RRM2: variants seen among roughly 807,000 people sequenced by gnomAD.
The protein encoded by RRM2 is ribonucleotide reductase regulatory subunit M2, also known as ribonucleoside-diphosphate reductase subunit M2.
A neutral mutation model predicts 45.9 loss-of-function variants in RRM2; 6 were observed. The observed-to-expected ratio is 0.13, with a 90% confidence interval of 0.07 to 0.26. The LOEUF (loss-of-function observed/expected upper bound fraction) is 0.26. Among genes scored for constraint, RRM2 ranks in the 10% least tolerant of loss-of-function variants. RRM2 has a pLI of 1.00. For synonymous variants in RRM2, 177 were observed against 173.0 expected (o/e 1.02, Z -0.18); for missense variants, 343 against 489.5 (o/e 0.70, Z 2.82).
chr2:10,124,742 A>G lies in RRM2; in HGVS notation c.461A>G (p.Gln154Arg). The G allele has an allele frequency of 1.2e-6, 2 of 1,611,966 alleles. No homozygotes were observed. Among genetic ancestry groups the G allele is most frequent in the Non-Finnish European group, 1.7e-6 (2 of 1,179,778 alleles). The part of the protein sequence containing the change: ...NLVERFSQEV[Q>R]ITEARCFYGF... Reference sequence around the variant, plus strand: ...GTGGAGCGATTTAGCCAAGAAGTTCAGATTACAGAAGCCCGCTGTTTCTAT... The same window carrying G: ...GTGGAGCGATTTAGCCAAGAAGTTCGGATTACAGAAGCCCGCTGTTTCTAT... The change falls in exon 5 of 10, where the codon CAG (glutamine) becomes CGG (arginine). Residue 154 changes from glutamine (Q) to arginine (R), a missense_variant. By Grantham distance (43) the Gln-to-Arg change is conservative. Coordinates refer to ENST00000304567, the MANE Select transcript of RRM2 (RefSeq NM_001034.4).
intron 3 of RRM2, among the ~76,000 whole-genome samples, chr2:10,186,657 G>A (rs1664174376): frequency 1.3e-5 from 2 of 152,218 alleles, no homozygotes; most frequent in African/African-American, 4.8e-5. Context: ...TCATAGTTGA[G>A]CAGTGGTCGA....
upstream of RRM2, among the ~76,000 whole-genome samples, chr2:10,136,984 T>A (rs963184008): frequency 2.0e-5 from 3 of 152,168 alleles, no homozygotes; most frequent in African/African-American, 7.2e-5. Context: ...GGCTGAAGCC[T>A]CATCATATTC....
intron 3 of RRM2, among the ~76,000 whole-genome samples, chr2:10,190,337 ATGG>A (rs1300960792): frequency 5.3e-5 from 5 of 94,490 alleles, no homozygotes; most frequent in African/African-American, 2.2e-4. Flanking sequence ...GGTGGTGATG[ATGG>A]TGGTGAGGAT....
chr2:10,178,088 ATT>A (rs368820243), intron 3 of RRM2, among the ~76,000 whole-genome samples: 1 of 148,094 alleles, frequency 6.8e-6, no homozygotes, highest in East Asian at 2.0e-4. Context: ...CGCCCGGCTA[ATT>A]TTTTTTTTCG....
intron 1 of RRM2, 30 bp from the exon 2 acceptor site, chr2:10,122,953 C>A (rs995954260): frequency 1.3e-6 from 2 of 1,546,444 alleles, no homozygotes; most frequent in South Asian, 1.2e-5. Flanking sequence ...AAAGCGAAGC[C>A]GCTCCTCACT....
intron 3 of RRM2, among the ~76,000 whole-genome samples, chr2:10,179,504 G>A (rs1663999876): frequency 6.6e-6 from 1 of 152,192 alleles, no homozygotes; most frequent in Non-Finnish European, 1.5e-5. Context: ...GCCTGCTTTA[G>A]TAAAGCTGCT....
rs936263991 is a variant in RRM2 at position 10,171,540 on chromosome 2, C to A, written n.482+29165C>A. On this transcript the variant is annotated intron_variant and non_coding_transcript_variant, in intron 3 of 3. Coordinates refer to the RRM2 transcript ENST00000381786. This position sits in a 1 kb window ranked among gnomAD's most constrained non-coding sequence, Gnocchi z 4.1. Reference sequence around the variant, plus strand: ...TAAGCAGGGCTTGGCAAGGTGGTGTCCCCCGGTCAGTGCCAGAGTCTCCCT... The same window carrying A: ...TAAGCAGGGCTTGGCAAGGTGGTGTACCCCGGTCAGTGCCAGAGTCTCCCT... Among the ~76,000 whole-genome samples, 5 of 152,176 alleles carry A rather than the reference C, an allele frequency of 3.3e-5. No homozygotes were observed. The highest frequency in any genetic ancestry group is 1.2e-4 in the African/African-American group (5 of 41,438).
chr2:10,197,354 G>C (rs557682866), intron 3 of RRM2, among the ~76,000 whole-genome samples: 1 of 152,180 alleles, frequency 6.6e-6, no homozygotes, highest in Non-Finnish European at 1.5e-5. Flanking sequence ...CTGGCTCTTC[G>C]TTTCGTCATG....
At chr2:10,167,514 G>T (rs368286421) in intron 3 of RRM2, among the ~76,000 whole-genome samples, 2 of 152,160 alleles carry the variant, frequency 1.3e-5, no homozygotes, top group African/African-American at 4.8e-5. Flanking sequence ...TGCACGCTGC[G>T]CCCTGCCTTG....
chr2:10,127,202 A>G lies in RRM2; in HGVS notation c.780A>G (p.Glu260=). ...TGCCTGGCCTCACATTTTCTAATGAACTTATTAGCAGAGATGAGGTGAGTC... is the reference window on the plus strand; with the variant it reads ...TGCCTGGCCTCACATTTTCTAATGAGCTTATTAGCAGAGATGAGGTGAGTC... ...GLMPGLTFSN[E]LISRDEGLHC... Residue 260 remains glutamate (E), a synonymous_variant, in exon 7 of 10, where the codon GAA becomes GAG. Transcript: ENST00000304567. This position sits in a 1 kb window ranked among gnomAD's most constrained non-coding sequence, Gnocchi z 4.1. The G allele has an allele frequency of 6.2e-7, 1 of 1,613,928 alleles. No homozygotes were observed. Among genetic ancestry groups the G allele is most frequent in the Non-Finnish European group, 8.5e-7 (1 of 1,180,038 alleles).
At chr2:10,157,016 C>CTTCT (rs1663440927) in intron 3 of RRM2, among the ~76,000 whole-genome samples, 1 of 85,926 alleles carries the variant, frequency 1.2e-5, no homozygotes, top group Non-Finnish European at 2.1e-5. Flanking sequence ...CAGCCCATTT[C>CTTCT]TTTTTTTTTT....
chr2:10,182,369 A>AC (rs1340555826), intron 3 of RRM2, among the ~76,000 whole-genome samples: 21 of 147,908 alleles, frequency 1.4e-4, no homozygotes, highest in African/African-American at 5.2e-4. Flanking sequence ...AAACAAACAA[A>AC]AAAAAACCCA....
intron 3 of RRM2, among the ~76,000 whole-genome samples, chr2:10,158,317 T>C (rs1663478428): frequency 6.6e-6 from 1 of 152,206 alleles, no homozygotes; most frequent in Non-Finnish European, 1.5e-5. Context: ...GCGAACTTCC[T>C]GCGCATCATT....
rs369852013 is a variant in RRM2 at position 10,190,849 on chromosome 2, A to G, written n.483-19462A>G. 4.9e-4 allele frequency among the ~76,000 whole-genome samples: 74 copies of G among 151,856 alleles called. 2 individuals carry two copies. The East Asian group carries it at 0.014, about 29-fold the overall frequency. ...ATGGTGGTGATGATGGTGATGGCAG[A>G]GATGGTTACAATGCTGAGAGTGATG... On this transcript the variant is annotated intron_variant and non_coding_transcript_variant, in intron 3 of 3. Transcript: ENST00000381786.
intron 4 of RRM2, 60 bp downstream of exon 4, chr2:10,123,912 C>T (rs1231716963): frequency 4.2e-6 from 4 of 947,584 alleles, no homozygotes; most frequent in Admixed American, 1.7e-5. Context: ...CGAACTAGTT[C>T]GCTTTCCTCG....
chr2:10,161,441 C>A (rs72786680), intron 3 of RRM2, among the ~76,000 whole-genome samples: 7,941 of 152,274 alleles, frequency 0.052, 198 homozygotes, highest in Middle Eastern at 0.088. Flanking sequence ...ATGACCTCCA[C>A]CACCCGCGTG....
At chr2:10,170,713 C>T (rs1192662561) in intron 3 of RRM2, among the ~76,000 whole-genome samples, 1 of 152,182 alleles carries the variant, frequency 6.6e-6, no homozygotes, top group Non-Finnish European at 1.5e-5. Context: ...TGCTTTCTTG[C>T]TGCTGGAAGG....
rs1044523326 is a variant in RRM2, at chr2:10,172,810, G to A, written n.482+30435G>A. On this transcript the variant is annotated intron_variant and non_coding_transcript_variant, in intron 3 of 3. Transcript: ENST00000381786. This position sits in a 1 kb window ranked among gnomAD's most constrained non-coding sequence, Gnocchi z 4.9. ...AACAATGAAGAATTTCAAGATGGTG[G>A]CAGCAGAGCCTGAAACCGAGCTCAG... Among the ~76,000 whole-genome samples, 1 of 152,242 alleles carries A rather than the reference G, an allele frequency of 6.6e-6. No individual in the cohort carries two copies. Among genetic ancestry groups the A allele is most frequent in the African/African-American group, 2.4e-5 (1 of 41,458 alleles).
chr2:10,190,151 G>A (rs904304872), intron 3 of RRM2, among the ~76,000 whole-genome samples: 1 of 147,344 alleles, frequency 6.8e-6, no homozygotes, highest in African/African-American at 2.4e-5. Flanking sequence ...TGGTGATGGT[G>A]GTATTGGTGG....
Sources: allele counts gnomAD v4.1 joint callset (sites outside exome capture counted in the v4.1 genomes callset), GRCh38; gene constraint gnomAD v4.1.1; non-coding constraint Gnocchi (gnomAD v3.1); transcripts MANE v1.5; gene names NCBI Gene and HGNC (gene_info 2026-07-23, HGNC 2026-07-21).